SERTM2: variants seen among roughly 807,000 people sequenced by gnomAD.
SERTM2 encodes serine rich and transmembrane domain containing 2.
rs959564060 is a variant in SERTM2 at position 111,519,105 on chromosome X, T to G, written c.248T>G (p.Met83Arg). 2.7e-5 allele frequency: 8 copies of G among 295,522 alleles called. No individual in the cohort carries two copies. The highest frequency in any genetic ancestry group is 5.9e-6 in the Non-Finnish European group (1 of 169,741). The allele number at this position is 295,522 out of a possible 1,213,427, so 24.4% of individuals were successfully genotyped here. Reference sequence around the variant, plus strand: ...GTTCCTCAGTTCACAGATGTAGAGATGCAGAGTCGAATCCCCACTCCCTAA... The same window carrying G: ...GTTCCTCAGTTCACAGATGTAGAGAGGCAGAGTCGAATCCCCACTCCCTAA... ...ESVPQFTDVEMQSRIPTP is the reference protein window; with the variant it reads ...ESVPQFTDVERQSRIPTP The change falls in exon 3 of 3, where the codon ATG (methionine) becomes AGG (arginine). Residue 83 changes from methionine (M) to arginine (R), a missense_variant. Met to Arg is a moderately conservative substitution (Grantham distance 91, BLOSUM62 -1). Transcript: ENST00000569275.
In SERTM2 at chrX:111,520,392, G is replaced by A. The variant is rs747990368; in HGVS notation, c.*1262G>A. ...TCATATTCTTGCCACCAAAGGACGAGTACACCTGTGTTAAATTTTACTTGC... is the reference window on the plus strand; with the variant it reads ...TCATATTCTTGCCACCAAAGGACGAATACACCTGTGTTAAATTTTACTTGC... On this transcript the variant is annotated 3_prime_UTR_variant, in exon 3 of 3. Transcript: ENST00000569275. 9.0e-6 allele frequency: 1 copy of A among 111,564 alleles called. No homozygotes were observed. The highest frequency in any genetic ancestry group is 1.9e-5 in the Non-Finnish European group (1 of 53,122). 9.2% of individuals were successfully genotyped at this position (111,564 alleles called of 1,213,427 possible). A position where few individuals can be genotyped will look rare whatever the true frequency, so the allele number is the denominator to read the frequency against.
intron 2 of SERTM2, among the ~76,000 whole-genome samples, chrX:111,512,791 CA>C (rs947136529): frequency 9.0e-6 from 1 of 111,260 alleles, no homozygotes; most frequent in Non-Finnish European, 1.9e-5. Context: ...TTCTGGGGAG[CA>C]AAATTCATGA....
intron 2 of SERTM2, among the ~76,000 whole-genome samples, chrX:111,516,187 T>G (rs1322835199): frequency 9.6e-6 from 1 of 104,479 alleles, no homozygotes; most frequent in Non-Finnish European, 2.0e-5. Flanking sequence ...CTCTGTCTTC[T>G]GCTTGTATGC....
intron 2 of SERTM2, among the ~76,000 whole-genome samples, chrX:111,514,888 GGTGT>G (rs371173694): frequency 3.8e-5 from 4 of 106,655 alleles, no homozygotes; most frequent in African/African-American, 1.0e-4. Context: ...TAGGCATAGG[GGTGT>G]GTGTGTGTGT....
chrX:111,519,428 T>C lies in SERTM2; in HGVS notation c.*298T>C, dbSNP rs1930374125. The C allele has an allele frequency of 6.1e-6, 1 of 162,672 alleles. No homozygotes were observed. The highest frequency in any genetic ancestry group is 8.1e-5 in the Admixed American group (1 of 12,349). 13.4% of individuals were successfully genotyped at this position (162,672 alleles called of 1,213,427 possible). On this transcript the variant is annotated 3_prime_UTR_variant, in exon 3 of 3. Coordinates refer to ENST00000569275, the MANE Select transcript of SERTM2 (RefSeq NM_001354473.2). Reference sequence around the variant, plus strand: ...TTGCACAAACCTCAGACCACAGAAATTCATGCGCAGTGGTTGTAAGAAGCA... The same window carrying C: ...TTGCACAAACCTCAGACCACAGAAACTCATGCGCAGTGGTTGTAAGAAGCA...
Position 111,519,357 on chromosome X carries a change from T to C in SERTM2, c.*227T>C, listed in dbSNP as rs1930372609. The C allele has an allele frequency of 8.8e-6, 2 of 228,407 alleles. No homozygotes were observed. Among genetic ancestry groups the C allele is most frequent in the African/African-American group, 5.7e-5 (2 of 34,886 alleles). 18.8% of individuals were successfully genotyped at this position (228,407 alleles called of 1,213,427 possible). A position where few individuals can be genotyped will look rare whatever the true frequency, so the allele number is the denominator to read the frequency against. On this transcript the variant is annotated 3_prime_UTR_variant, in exon 3 of 3. Coordinates refer to ENST00000569275, the MANE Select transcript of SERTM2 (RefSeq NM_001354473.2). Reference sequence around the variant, plus strand: ...TGAAAGGAATATAGGAAAAGACAGCTGGTTGGGAGGGCTGGTTTCCATAGT... The same window carrying C: ...TGAAAGGAATATAGGAAAAGACAGCCGGTTGGGAGGGCTGGTTTCCATAGT...
rs1930367040 is a variant in SERTM2, at chrX:111,519,034, G to A, written c.177G>A (p.Arg59=). ...LLILLFTMLL[R]LKHVISPINS... ...TCCTGCTCTTCACAATGCTCCTTCG[G>A]CTCAAACATGTCATCTCGCCCATCA... The change falls in exon 3 of 3, where the codon CGG becomes CGA. Residue 59 remains arginine, a synonymous_variant. Coordinates refer to ENST00000569275, the MANE Select transcript of SERTM2 (RefSeq NM_001354473.2). 3.4e-6 allele frequency: 1 copy of A among 297,174 alleles called. No individual in the cohort carries two copies. The highest frequency in any genetic ancestry group is 4.8e-5 in the East Asian group (1 of 21,034). 24.5% of individuals were successfully genotyped at this position (297,174 alleles called of 1,213,427 possible). A position where few individuals can be genotyped will look rare whatever the true frequency, so the allele number is the denominator to read the frequency against.
rs976390760 is a variant in SERTM2, at chrX:111,520,361, A to C, written c.*1231A>C. 25 of 111,836 alleles carry C rather than the reference A, an allele frequency of 2.2e-4. No individual in the cohort carries two copies. The highest frequency in any genetic ancestry group is 4.1e-4 in the Non-Finnish European group (22 of 53,182). The allele number at this position is 111,836 out of a possible 1,213,427, so 9.2% of individuals were successfully genotyped here. A position where few individuals can be genotyped will look rare whatever the true frequency, so the allele number is the denominator to read the frequency against. ...ACCATTTACAAATCAGAATTTAAAA[A>C]ACTGGTCATATTCTTGCCACCAAAG... On this transcript the variant is annotated 3_prime_UTR_variant, in exon 3 of 3. Coordinates refer to ENST00000569275, the MANE Select transcript of SERTM2 (RefSeq NM_001354473.2).
intron 2 of SERTM2, among the ~76,000 whole-genome samples, chrX:111,514,161 G>T (rs1450568208): frequency 9.0e-6 from 1 of 111,255 alleles, no homozygotes; most frequent in Non-Finnish European, 1.9e-5. Flanking sequence ...AGTGGGGGAA[G>T]GGAATAAAAA....
intron 2 of SERTM2, among the ~76,000 whole-genome samples, chrX:111,514,791 T>G (rs1041082350): frequency 9.0e-6 from 1 of 111,520 alleles, no homozygotes; most frequent in African/African-American, 3.3e-5. Context: ...TGTATAGTAA[T>G]AAAATATAGA....
At chrX:111,516,262 C>G (rs1434206640) in intron 2 of SERTM2, among the ~76,000 whole-genome samples, 1 of 106,817 alleles carries the variant, frequency 9.4e-6, no homozygotes, top group Non-Finnish European at 1.9e-5. Flanking sequence ...AATATATTGA[C>G]TTGATTCCAT....
rs771499341 is a variant in SERTM2, at chrX:111,516,393, G to A, written c.-783-1682G>A. Among the ~76,000 whole-genome samples, 4 of 109,410 alleles carry A rather than the reference G, an allele frequency of 3.7e-5. No individual in the cohort carries two copies. In the East Asian group the frequency reaches 1.2e-3, roughly 32 times the overall value. On this transcript the variant is annotated intron_variant, in intron 2 of 2. Transcript: ENST00000569275. The stretch of plus-strand genomic sequence containing the variant: ...TGTTTTAAATGCTTTTAAAAGTACA[G>A]CCTCCAAACAACCAATAAGATAGAT...
Position 111,521,205 on chromosome X carries a change from C to T in SERTM2, c.*2075C>T, listed in dbSNP as rs1003849886. The T allele has an allele frequency of 8.9e-6, 1 of 112,011 alleles. No homozygotes were observed. Among genetic ancestry groups the T allele is most frequent in the African/African-American group, 3.2e-5 (1 of 30,818 alleles). 9.2% of individuals were successfully genotyped at this position (112,011 alleles called of 1,213,427 possible). A position where few individuals can be genotyped will look rare whatever the true frequency, so the allele number is the denominator to read the frequency against. On this transcript the variant is annotated 3_prime_UTR_variant, in exon 3 of 3. Transcript: ENST00000569275. ...CTATTCTCTGCCCATCTGACCTTCC[C>T]AACCCAAATTTCAGGAGAATAAAAC...
chrX:111,515,601 C>T (rs1281812934), intron 2 of SERTM2, among the ~76,000 whole-genome samples: 1 of 111,374 alleles, frequency 9.0e-6, no homozygotes, highest in Non-Finnish European at 1.9e-5. Flanking sequence ...GATGTTCATG[C>T]CCCATACAGA....
rs1183386847 is a variant in SERTM2 at position 111,520,302 on chromosome X, C to G, written c.*1172C>G. On this transcript the variant is annotated 3_prime_UTR_variant, in exon 3 of 3. Coordinates refer to ENST00000569275, the MANE Select transcript of SERTM2 (RefSeq NM_001354473.2). ...TGTGGAGAGAATTTAATTTTTAAAA[C>G]TAACTTTTCAAAGGGAAACCAAAGG... 8.9e-6 allele frequency: 1 copy of G among 111,792 alleles called. No homozygotes were observed. The highest frequency in any genetic ancestry group is 1.9e-5 in the Non-Finnish European group (1 of 53,160). 9.2% of individuals were successfully genotyped at this position (111,792 alleles called of 1,213,427 possible).
Position 111,521,965 on chromosome X carries a change from CA to C in SERTM2, c.*2839del, listed in dbSNP as rs1231324698. On this transcript the variant is annotated 3_prime_UTR_variant, in exon 3 of 3. Transcript: ENST00000569275. ...ATATATTTCAGAATCATGGGTTGTACAAAATGAAGTATATTGTAAAAGGCTT... is the reference window on the plus strand; with the variant it reads ...ATATATTTCAGAATCATGGGTTGTACAAATGAAGTATATTGTAAAAGGCTT... The C allele has an allele frequency of 5.4e-5, 6 of 111,352 alleles. No homozygotes were observed. The highest frequency in any genetic ancestry group is 2.0e-4 in the African/African-American group (6 of 30,700). 9.2% of individuals were successfully genotyped at this position (111,352 alleles called of 1,213,427 possible).
intron 2 of SERTM2, among the ~76,000 whole-genome samples, chrX:111,512,986 A>T (rs1267892547): frequency 8.9e-6 from 1 of 111,920 alleles, no homozygotes; most frequent in Admixed American, 9.5e-5. Context: ...TATTCATGTC[A>T]CTTGTGAGTA....
intron 2 of SERTM2, among the ~76,000 whole-genome samples, chrX:111,512,404 T>G (rs943842086): frequency 1.8e-5 from 2 of 112,257 alleles, no homozygotes; most frequent in Non-Finnish European, 3.8e-5. Flanking sequence ...TTTGAATTTC[T>G]TTTCTGAATT....
In SERTM2 at chrX:111,520,069, G is replaced by A. The variant is rs1199486787; in HGVS notation, c.*939G>A. The A allele has an allele frequency of 1.8e-5, 2 of 111,424 alleles. No homozygotes were observed. The highest frequency in any genetic ancestry group is 6.5e-5 in the African/African-American group (2 of 30,650). The allele number at this position is 111,424 out of a possible 1,213,427, so 9.2% of individuals were successfully genotyped here. A position where few individuals can be genotyped will look rare whatever the true frequency, so the allele number is the denominator to read the frequency against. Reference sequence around the variant, plus strand: ...TTTAGATCTGAGCATAAAAAAAAGAGAGAGAGACAAAGGAGGAAAGGACTA... The same window carrying A: ...TTTAGATCTGAGCATAAAAAAAAGAAAGAGAGACAAAGGAGGAAAGGACTA... On this transcript the variant is annotated 3_prime_UTR_variant, in exon 3 of 3. Coordinates refer to ENST00000569275, the MANE Select transcript of SERTM2 (RefSeq NM_001354473.2).
Sources: gnomAD v4.1 joint callset for allele counts (sites outside exome capture counted in the v4.1 genomes callset) on GRCh38, gnomAD v4.1.1 for gene constraint, MANE v1.5 for transcripts, NCBI Gene and HGNC (gene_info 2026-07-23, HGNC 2026-07-21) for gene names.